ACADL: variants seen among roughly 807,000 people sequenced by gnomAD.
ACADL encodes long-chain specific acyl-CoA dehydrogenase, mitochondrial.
Under a neutral mutation model 56.9 loss-of-function variants are expected in ACADL, and 60 were observed. The observed-to-expected ratio is 1.05, with a 90% CI of 0.86 to 1.31. The LOEUF (loss-of-function observed/expected upper bound fraction) is 1.31, where lower values mean the gene tolerates loss of function less well. Among genes scored for constraint, ACADL ranks in the 50% most tolerant of loss-of-function variants. The pLI, the probability that ACADL is intolerant of heterozygous loss-of-function variation, is 0.00. For synonymous variants in ACADL, 158 were observed against 179.7 expected (o/e 0.88, Z 0.97); for missense variants, 484 against 525.5 (o/e 0.92, Z 0.77).
At chr2:210,207,253 C>A (rs966298642) in intron 5 of ACADL, among the ~76,000 whole-genome samples, 3 of 152,140 alleles carry the variant, frequency 2.0e-5, no homozygotes, top group Non-Finnish European at 4.4e-5. Flanking sequence ...GATCATATCA[C>A]CTTCACACTT....
At chr2:210,219,032 T>C (rs1167064416) in intron 2 of ACADL, among the ~76,000 whole-genome samples, 1 of 152,228 alleles carries the variant, frequency 6.6e-6, no homozygotes, top group Admixed American at 6.5e-5. Flanking sequence ...AGAATTTTTG[T>C]ATTTTTAAGT....
At chr2:210,223,122 T>G (rs923389584) in intron 1 of ACADL, among the ~76,000 whole-genome samples, 1 of 152,128 alleles carries the variant, frequency 6.6e-6, no homozygotes, top group African/African-American at 2.4e-5. Context: ...AAGTAAAATA[T>G]ATAAAGACAT....
intron 8 of ACADL, among the ~76,000 whole-genome samples, chr2:210,195,685 C>T (rs985091644): frequency 2.6e-5 from 4 of 152,194 alleles, no homozygotes; most frequent in Non-Finnish European, 2.9e-5. Context: ...TAGGTACAGC[C>T]GTTGAAAACA....
At chr2:210,190,951 C>CT (rs1559631838) in intron 10 of ACADL, among the ~76,000 whole-genome samples, 2 of 143,284 alleles carry the variant, frequency 1.4e-5, no homozygotes, top group African/African-American at 5.1e-5. Context: ...CAGTCTCACT[C>CT]TGTCGCCCAG....
intron 1 of ACADL, 123 bp from the exon 2 acceptor site, chr2:210,220,925 T>C (rs1230027785): frequency 2.5e-6 from 2 of 801,418 alleles, no homozygotes; most frequent in Non-Finnish European, 3.9e-6. Context: ...TAGAAAGAGT[T>C]TGAATTATGA....
chr2:210,210,191 C>T lies in ACADL; in HGVS notation c.603+5G>A, dbSNP rs2125714442. On this transcript the variant is annotated splice_donor_5th_base_variant and intron_variant, in intron 5 of 10. Transcript: ENST00000233710. ...GAAGGGCTATAGAAGTCCTTTTTTA[C>T]ACACCTTGCTTCCATTGAGAATCCA... 3 of 1,609,618 alleles carry T rather than the reference C, an allele frequency of 1.9e-6. No homozygotes were observed. The highest frequency in any genetic ancestry group is 1.1e-5 in the South Asian group (1 of 91,006).
intron 1 of ACADL, 73 bp downstream of exon 1, chr2:210,225,114 C>A: frequency 6.6e-7 from 1 of 1,524,862 alleles, no homozygotes; most frequent in Non-Finnish European, 8.8e-7. Flanking sequence ...TTCAAGCCAG[C>A]GACAGGAGTG....
At chr2:210,210,647 C>A (rs1401665654) in intron 4 of ACADL, among the ~76,000 whole-genome samples, 3 of 152,018 alleles carry the variant, frequency 2.0e-5, no homozygotes. Flanking sequence ...CTCTATTGAT[C>A]AAAAATTTAG....
intron 8 of ACADL, among the ~76,000 whole-genome samples, chr2:210,202,815 T>G (rs1475135703): frequency 6.6e-6 from 1 of 152,036 alleles, no homozygotes; most frequent in East Asian, 1.9e-4. Context: ...CAGGAAAGAG[T>G]TGCCTACCAT....
At chr2:210,224,909 T>C in intron 1 of ACADL, 5 of 1,277,050 alleles carry the variant, frequency 3.9e-6, no homozygotes, top group Non-Finnish European at 4.0e-6. Context: ...GGCTCCGGAA[T>C]GAACTTCTGG....
chr2:210,217,405 A>G (rs1689104415), intron 3 of ACADL: 1 of 152,850 alleles, frequency 6.5e-6, no homozygotes, highest in Admixed American at 6.5e-5. Context: ...TTTCACTGCA[A>G]TCTTGTCAGC....
At chr2:210,203,191 CT>C in intron 8 of ACADL, 139 bp downstream of exon 8, 1 of 689,402 alleles carries the variant, frequency 1.5e-6, no homozygotes, top group South Asian at 1.6e-5. Flanking sequence ...TCTCTACTAT[CT>C]CTCCTTAGTG....
chr2:210,224,932 G>C, intron 1 of ACADL: 1 of 1,328,958 alleles, frequency 7.5e-7, no homozygotes, highest in Non-Finnish European at 9.6e-7. Flanking sequence ...AAATCTTTCG[G>C]CTTTCCCCGA....
chr2:210,191,870 A>G (rs545322522), intron 10 of ACADL, among the ~76,000 whole-genome samples: 13 of 152,204 alleles, frequency 8.5e-5, no homozygotes, highest in South Asian at 4.1e-4. Context: ...GGTGATGAGG[A>G]AAAAAAGCTA....
Position 210,188,977 on chromosome 2 carries a change from ATC to A in ACADL, c.1275_1276del (p.Glu425AspfsTer4). On this transcript the variant is annotated frameshift_variant, in exon 11 of 11. Transcript: ENST00000233710. LOFTEE classifies it high-confidence loss of function. ...GGCAGATGTCTACTTGTCAAAGACAATCTCTCTTGCAATCAGCTCCTTCATTA... is the reference window on the plus strand; with the variant it reads ...GGCAGATGTCTACTTGTCAAAGACAATCTCTTGCAATCAGCTCCTTCATTA... 1.2e-6 allele frequency: 2 copies of A among 1,613,030 alleles called. No individual in the cohort carries two copies. Among genetic ancestry groups the A allele is most frequent in the African/African-American group, 1.3e-5 (1 of 75,014 alleles).
intron 10 of ACADL, among the ~76,000 whole-genome samples, chr2:210,190,925 T>TTG (rs1269837468): frequency 6.7e-6 from 1 of 149,726 alleles, no homozygotes; most frequent in Non-Finnish European, 1.5e-5. Flanking sequence ...TGTTGTTTGT[T>TTG]TTTTTTTTTT....
At chr2:210,204,085 AC>A (rs1688845101) in intron 7 of ACADL, among the ~76,000 whole-genome samples, 2 of 152,126 alleles carry the variant, frequency 1.3e-5, no homozygotes, top group South Asian at 4.1e-4. Flanking sequence ...AGGCAGGAGT[AC>A]CCCCTTACAC....
intron 8 of ACADL, among the ~76,000 whole-genome samples, chr2:210,201,003 A>C (rs1688783263): frequency 6.6e-6 from 1 of 152,180 alleles, no homozygotes; most frequent in Non-Finnish European, 1.5e-5. Flanking sequence ...CTTCAAGCCT[A>C]AACAGCCTAA....
At chr2:210,206,346 G>A (rs1303444345) in intron 5 of ACADL, among the ~76,000 whole-genome samples, 4 of 151,974 alleles carry the variant, frequency 2.6e-5, no homozygotes, top group South Asian at 2.1e-4. Context: ...CAGGAGGATC[G>A]CTTGAGTCCA....
Sources: allele counts gnomAD v4.1 joint callset (sites outside exome capture counted in the v4.1 genomes callset), GRCh38; gene constraint gnomAD v4.1.1; transcripts MANE v1.5; gene names NCBI Gene and HGNC (gene_info 2026-07-23, HGNC 2026-07-21).